Variants in GRIK4 observed in about 807,000 individuals in gnomAD.
The protein encoded by GRIK4 is glutamate receptor ionotropic, kainate 4.
In GRIK4, 40 loss-of-function variants were observed where a neutral mutation model predicts 104.9. The observed-to-expected ratio is 0.38, with a 90% CI of 0.30 to 0.50. The LOEUF (loss-of-function observed/expected upper bound fraction) is 0.50. GRIK4 is among the 20% of genes least tolerant of loss of function. The pLI is 0.93. For missense variants in GRIK4, 1,047 were observed against 1,308.1 expected (o/e 0.80, Z 3.08); for synonymous variants, 485 against 524.9 (o/e 0.92, Z 1.04).
intron 20 of GRIK4, among the ~76,000 whole-genome samples, chr11:120,985,196 G>A (rs914595870): frequency 5.3e-5 from 8 of 152,174 alleles, no homozygotes; most frequent in Non-Finnish European, 1.0e-4. Context: ...TTCCTTGTAA[G>A]TTTGATGCAA....
At chr11:120,912,614 A>G (rs1310585795) in intron 13 of GRIK4, among the ~76,000 whole-genome samples, 1 of 152,208 alleles carries the variant, frequency 6.6e-6, no homozygotes, top group African/African-American at 2.4e-5. Flanking sequence ...AATTGTGAAC[A>G]AGAAGAGTGA....
intron 3 of GRIK4, among the ~76,000 whole-genome samples, chr11:120,703,815 G>A (rs1950588371): frequency 2.6e-5 from 4 of 152,126 alleles, no homozygotes. Context: ...AACTCCTGGA[G>A]GCAGGTGAAT....
intron 3 of GRIK4, among the ~76,000 whole-genome samples, chr11:120,766,276 C>T (rs990779799): frequency 1.3e-5 from 2 of 152,204 alleles, no homozygotes; most frequent in Non-Finnish European, 2.9e-5. Flanking sequence ...CCCACTCAAA[C>T]CTCAGTAATG....
chr11:120,769,951 C>G (rs932266170), intron 3 of GRIK4, among the ~76,000 whole-genome samples: 1 of 152,182 alleles, frequency 6.6e-6, no homozygotes, highest in Non-Finnish European at 1.5e-5. Flanking sequence ...CCCAGCTTAA[C>G]CAATATATAA....
chr11:120,800,784 T>C lies in GRIK4; in HGVS notation c.83-1909T>C, dbSNP rs553591757. The stretch of plus-strand genomic sequence containing the variant: ...ATGGATTACAGTGAGTGTGGAGCAA[T>C]GCACAGAAAAGACAGCATAGAACCT... On this transcript the variant is annotated intron_variant, in intron 3 of 20. Transcript: ENST00000527524. Among the ~76,000 whole-genome samples, 6 of 152,330 alleles carry C rather than the reference T, an allele frequency of 3.9e-5. No individual in the cohort carries two copies. In the East Asian group the frequency reaches 7.7e-4, roughly 20 times the overall value.
intron 12 of GRIK4, among the ~76,000 whole-genome samples, chr11:120,900,581 G>C (rs1228934168): frequency 6.6e-6 from 1 of 152,202 alleles, no homozygotes; most frequent in East Asian, 1.9e-4. Flanking sequence ...CAAGGCTGAG[G>C]AAAAAGAGCT....
intron 3 of GRIK4, among the ~76,000 whole-genome samples, chr11:120,716,994 A>T (rs1479322359): frequency 6.6e-6 from 1 of 152,226 alleles, no homozygotes; most frequent in Non-Finnish European, 1.5e-5. Context: ...ACTAGGATCC[A>T]AATCCTTTAA....
chr11:120,770,972 T>C (rs1951929955), intron 3 of GRIK4, among the ~76,000 whole-genome samples: 1 of 152,208 alleles, frequency 6.6e-6, no homozygotes. Flanking sequence ...GGTATTTTGT[T>C]ATAGCAGCCC....
intron 8 of GRIK4, among the ~76,000 whole-genome samples, chr11:120,837,253 C>T (rs1015662702): frequency 5.0e-4 from 76 of 152,284 alleles, no homozygotes; most frequent in African/African-American, 1.8e-3. Context: ...TTGTTCTTTT[C>T]CAGCTGTCGG....
At chr11:120,972,966 T>C (rs1265409049) in intron 19 of GRIK4, among the ~76,000 whole-genome samples, 1 of 151,948 alleles carries the variant, frequency 6.6e-6, no homozygotes, top group Non-Finnish European at 1.5e-5. Context: ...GACAAAGATA[T>C]TGGAAATCTA....
intron 19 of GRIK4, among the ~76,000 whole-genome samples, chr11:120,968,601 C>T (rs1944423343): frequency 6.6e-6 from 1 of 152,122 alleles, no homozygotes; most frequent in African/African-American, 2.4e-5. Context: ...ATATACGGAG[C>T]AAGTATTTTT....
Position 120,875,325 on chromosome 11 carries a change from C to T in GRIK4, c.1164+82C>T. ...ATGCCTCGGTGTTTTGGATGGCCTC[C>T]TGCTCCCAGTTATCCCCAACAGCAG... On this transcript the variant is annotated intron_variant, in intron 11 of 20. Coordinates refer to ENST00000527524, the MANE Select transcript of GRIK4 (RefSeq NM_014619.5). The T allele has an allele frequency of 5.1e-5, 45 of 889,522 alleles. No individual in the cohort carries two copies. In the South Asian group the frequency reaches 6.0e-4, roughly 12 times the overall value. The allele number at this position is 889,522 out of a possible 1,614,324, so 55.1% of individuals were successfully genotyped here. A position where few individuals can be genotyped will look rare whatever the true frequency, so the allele number is the denominator to read the frequency against.
At chr11:120,537,281 G>T (rs1947987464) in intron 1 of GRIK4, among the ~76,000 whole-genome samples, 1 of 152,164 alleles carries the variant, frequency 6.6e-6, no homozygotes, top group Non-Finnish European at 1.5e-5. Flanking sequence ...TGGTCCACAG[G>T]TTCTTTAGGA....
intron 1 of GRIK4, among the ~76,000 whole-genome samples, chr11:120,624,131 A>G (rs1384237961): frequency 1.3e-5 from 2 of 152,190 alleles, no homozygotes; most frequent in East Asian, 1.9e-4. Context: ...TTAGAGTAAC[A>G]CAAGATAGTG....
chr11:120,878,613 GCC>G (rs67957802), intron 11 of GRIK4, among the ~76,000 whole-genome samples: 64 of 134,494 alleles, frequency 4.8e-4, no homozygotes, highest in Middle Eastern at 3.5e-3. Flanking sequence ...TTTATGCCCC[GCC>G]CCCCCCCCTT....
At chr11:120,942,435 C>G (rs888713697) in intron 14 of GRIK4, among the ~76,000 whole-genome samples, 1 of 152,140 alleles carries the variant, frequency 6.6e-6, no homozygotes, top group Non-Finnish European at 1.5e-5. Flanking sequence ...CCTGCTGTGG[C>G]TTGTGGTAGC....
chr11:120,880,488 A>T (rs778256627), intron 11 of GRIK4, among the ~76,000 whole-genome samples: 12 of 152,200 alleles, frequency 7.9e-5, no homozygotes, highest in Non-Finnish European at 1.6e-4. Context: ...GGGTCTGAGT[A>T]CAAGTCCAAG....
At chr11:120,916,529 G>A (rs892890213) in intron 13 of GRIK4, among the ~76,000 whole-genome samples, 1 of 152,300 alleles carries the variant, frequency 6.6e-6, no homozygotes, top group South Asian at 2.1e-4. Context: ...ACACGGTGAA[G>A]TGGTAACATA....
chr11:120,754,345 G>A (rs1270412140), intron 3 of GRIK4, among the ~76,000 whole-genome samples: 12 of 152,212 alleles, frequency 7.9e-5, no homozygotes, highest in African/African-American at 2.9e-4. Context: ...ATCAGACAAT[G>A]TGTGGCCTTT....
Sources: gnomAD v4.1 joint callset for allele counts (sites outside exome capture counted in the v4.1 genomes callset) on GRCh38, gnomAD v4.1.1 for gene constraint, MANE v1.5 for transcripts, NCBI Gene and HGNC (gene_info 2026-07-23, HGNC 2026-07-21) for gene names.